Variants in ITLN2 observed in about 807,000 individuals in gnomAD.
ITLN2 encodes the protein intelectin 2, also known as intelectin-2.
In ITLN2, 29 loss-of-function variants were observed where a neutral mutation model predicts 39.4. The observed-to-expected ratio is 0.74, with a 90% CI of 0.55 to 1.00. The LOEUF (loss-of-function observed/expected upper bound fraction) is 1.00. Among genes scored for constraint, ITLN2 ranks in the 50% least tolerant of loss-of-function variants. The pLI, the probability that ITLN2 is intolerant of heterozygous loss-of-function variation, is 0.00. For synonymous variants in ITLN2, 156 were observed against 153.4 expected (o/e 1.02, Z -0.12); for missense variants, 412 against 416.7 (o/e 0.99, Z 0.10).
At chr1:160,954,705 G>A in intron 1 of ITLN2, 22 bp downstream of exon 1, 3 of 1,613,588 alleles carry the variant, frequency 1.9e-6, no homozygotes, top group Non-Finnish European at 2.5e-6. Context: ...CCACACACAT[G>A]GATCAAAAAC....
At chr1:160,947,855 A>G in intron 7 of ITLN2, 74 bp downstream of exon 7, 1 of 1,044,590 alleles carries the variant, frequency 9.6e-7, no homozygotes, top group East Asian at 2.4e-5. Context: ...TTCCTTTTCT[A>G]CATAGACACA....
At chr1:160,952,429 C>CTG (rs1342229866) in intron 3 of ITLN2, among the ~76,000 whole-genome samples, 191 bp downstream of exon 3, 2 of 152,192 alleles carry the variant, frequency 1.3e-5, no homozygotes, top group African/African-American at 4.8e-5. Context: ...TGCATTCTCT[C>CTG]TGTGTTCAGA....
intron 6 of ITLN2, chr1:160,949,334 C>T (rs1199359682): frequency 6.6e-6 from 1 of 152,178 alleles, no homozygotes; most frequent in African/African-American, 2.4e-5. Flanking sequence ...GCAAAGAGGC[C>T]TTCCTCTTTT....
chr1:160,952,721 G>A lies in ITLN2; in HGVS notation c.92C>T (p.Ser31Phe). The A allele has an allele frequency of 6.2e-6, 10 of 1,613,254 alleles. No individual in the cohort carries two copies. The highest frequency in any genetic ancestry group is 8.5e-6 in the Non-Finnish European group (10 of 1,179,404). Residue 31 changes from serine to phenylalanine, a missense_variant, in exon 3 of 8, where the codon TCT becomes TTT. Physicochemically the swap from Ser to Phe is radical, Grantham distance 155 (BLOSUM62 -2). Transcript: ENST00000368029. ...GAATTCCCTCGAGAGCATCTCAAGA[G>A]AAGAGGCTGCTGCTAGAAAATGTGA... is the stretch of plus-strand genomic sequence containing the variant. The part of the protein sequence containing the change: ...TSGCSAAAAS[S>F]LEMLSREFET...
At chr1:160,949,908 T>C in intron 6 of ITLN2, 138 bp downstream of exon 6, 1 of 717,506 alleles carries the variant, frequency 1.4e-6, no homozygotes, top group South Asian at 2.3e-5. Flanking sequence ...CACAAAATCA[T>C]GTTAAGTTCC....
chr1:160,954,592 T>C lies in ITLN2; in HGVS notation c.15+135A>G, dbSNP rs1318147905. 8.2e-6 allele frequency: 10 copies of C among 1,224,438 alleles called. No individual in the cohort carries two copies. In the East Asian group the frequency reaches 1.5e-4, roughly 18 times the overall value. The allele number at this position is 1,224,438 out of a possible 1,614,324, so 75.8% of individuals were successfully genotyped here. A position where few individuals can be genotyped will look rare whatever the true frequency, so the allele number is the denominator to read the frequency against. On this transcript the variant is annotated intron_variant, in intron 1 of 7. Transcript: ENST00000368029. ...GAGCATTCTAAAACCTCCTGGAATA[T>C]GCCCCACGGCTGTCCAACACTACAA...
At chr1:160,951,347 C>T in intron 3 of ITLN2, 57 bp from the exon 4 acceptor site, 1 of 1,521,492 alleles carries the variant, frequency 6.6e-7, no homozygotes, top group African/African-American at 1.4e-5. Flanking sequence ...TTCATCTCAG[C>T]TCCGTGAATA....
intron 1 of ITLN2, 116 bp downstream of exon 1, chr1:160,954,611 A>G: frequency 7.5e-7 from 1 of 1,337,606 alleles, no homozygotes; most frequent in Admixed American, 1.8e-5. Context: ...GCTGTCCAAC[A>G]CTACAAATAC....
intron 5 of ITLN2, 106 bp downstream of exon 5, chr1:160,950,447 C>G (rs1001888867): frequency 5.1e-6 from 7 of 1,366,524 alleles, no homozygotes; most frequent in Non-Finnish European, 7.1e-6. Flanking sequence ...AAACAGCCAA[C>G]CACTCAGTAG....
At chr1:160,951,794 C>T (rs1429897518) in intron 3 of ITLN2, among the ~76,000 whole-genome samples, 2 of 152,228 alleles carry the variant, frequency 1.3e-5, no homozygotes, top group Non-Finnish European at 1.5e-5. Context: ...TAAGTCTTGG[C>T]AGAAAGCCTG....
In ITLN2 at chr1:160,945,290, G is replaced by A; in HGVS notation, c.828C>T (p.His276=). The A allele has an allele frequency of 6.4e-7, 1 of 1,552,790 alleles. No homozygotes were observed. The highest frequency in any genetic ancestry group is 8.6e-7 in the Non-Finnish European group (1 of 1,160,002). ...IKVTGCNTEH[H]CIGGGGFFPQ... is the part of the protein sequence containing the mutation. ...GGAAGAACCCTCCTCCACCGATGCA[G>A]TGCTGGGAAACAGAAAGAAGAAACA... Residue 276 remains histidine (H), a splice_region_variant and synonymous_variant, in exon 8 of 8, where the codon CAC becomes CAT. Transcript: ENST00000368029.
chr1:160,951,559 C>T (rs1171650454), intron 3 of ITLN2: 56 of 405,510 alleles, frequency 1.4e-4, no homozygotes, highest in South Asian at 1.7e-4. Context: ...GACAGTGCCA[C>T]CCTGTGGCCA....
At chr1:160,947,870 CA>C (rs998526809) in intron 7 of ITLN2, 58 bp downstream of exon 7, 2 of 1,149,386 alleles carry the variant, frequency 1.7e-6, no homozygotes, top group African/African-American at 3.1e-5. Context: ...GACACAGTAA[CA>C]ATCTGATCTC....
At chr1:160,946,723 A>G (rs548713937) in intron 7 of ITLN2, among the ~76,000 whole-genome samples, 1 of 152,206 alleles carries the variant, frequency 6.6e-6, no homozygotes, top group Admixed American at 6.5e-5. Context: ...AAAGAAAAAA[A>G]AAAAGAAAGA....
chr1:160,950,544 C>G lies in ITLN2; in HGVS notation c.600+9G>C. The G allele has an allele frequency of 6.2e-7, 1 of 1,612,934 alleles. No homozygotes were observed. The stretch of plus-strand genomic sequence containing the variant: ...AAGAAAGTGCCCCCCAGCCAGCAGC[C>G]CTGTGTACCTGGTAGATGCCAAACA... On this transcript the variant is annotated intron_variant, in intron 5 of 7. Transcript: ENST00000368029.
In ITLN2 at chr1:160,954,790, G is replaced by A; in HGVS notation, c.-49C>T. 6.2e-7 allele frequency: 1 copy of A among 1,606,942 alleles called. No homozygotes were observed. ...AGTTCCCTTCCTGTGGACACTCGGA[G>A]CTCCCCTGCAGAGGATCCTGATGAA... On this transcript the variant is annotated 5_prime_UTR_variant, in exon 1 of 8. Transcript: ENST00000368029.
intron 2 of ITLN2, among the ~76,000 whole-genome samples, chr1:160,953,674 G>A (rs572551830): frequency 1.5e-4 from 23 of 151,598 alleles, no homozygotes; most frequent in South Asian, 1.0e-3. Context: ...TCACGCCACC[G>A]CACTCCAACC....
intron 7 of ITLN2, among the ~76,000 whole-genome samples, chr1:160,947,202 A>G (rs1464522720): frequency 6.6e-6 from 1 of 152,214 alleles, no homozygotes; most frequent in Non-Finnish European, 1.5e-5. Flanking sequence ...AAGGAAAGGT[A>G]CTGTGCCCGG....
At chr1:160,950,972 C>T (rs965184526) in intron 4 of ITLN2, 71 bp downstream of exon 4, 4 of 1,612,206 alleles carry the variant, frequency 2.5e-6, no homozygotes, top group Admixed American at 1.7e-5. Context: ...CCAGCCCTCC[C>T]TCCTGCAGGC....
Sources: gnomAD v4.1 joint callset for allele counts (sites outside exome capture counted in the v4.1 genomes callset) on GRCh38, gnomAD v4.1.1 for gene constraint, MANE v1.5 for transcripts, NCBI Gene and HGNC (gene_info 2026-07-23, HGNC 2026-07-21) for gene names.